ARHGAP42: variants seen among roughly 807,000 people sequenced by gnomAD.
ARHGAP42 encodes Rho GTPase activating protein 42, also known as rho GTPase-activating protein 42.
In ARHGAP42, 63 loss-of-function variants were observed where a neutral mutation model predicts 125.0. The observed-to-expected ratio is 0.50, with a 90% CI of 0.41 to 0.62. The LOEUF (loss-of-function observed/expected upper bound fraction) is 0.62, where lower values mean the gene tolerates loss of function less well. Ranked by LOEUF, ARHGAP42 falls within the 20% of genes least tolerant of loss-of-function variation. The probability of loss-of-function intolerance (pLI) is 0.00; values close to 1 mark genes in which losing one functional copy is unlikely to be tolerated. For missense variants in ARHGAP42, 766 were observed against 1,024.2 expected, an observed-to-expected ratio of 0.75 and a Z score of 3.44; for synonymous variants, 339 against 351.0, an observed-to-expected ratio of 0.97 and a Z score of 0.38.
At chr11:100,859,226 TA>T (rs1223738882) in intron 3 of ARHGAP42, 5 of 197,934 alleles carry the variant, frequency 2.5e-5, no homozygotes, top group Non-Finnish European at 5.1e-5. Flanking sequence ...TAAACCAGTG[TA>T]ATTATAGGTA....
At chr11:100,901,814 T>C (rs1250144186) in intron 4 of ARHGAP42, among the ~76,000 whole-genome samples, 1 of 152,174 alleles carries the variant, frequency 6.6e-6, no homozygotes, top group Non-Finnish European at 1.5e-5. Context: ...CCAGGTACAG[T>C]CTGTCACAGC....
chr11:100,937,782 A>G lies in ARHGAP42; in HGVS notation c.832+1450A>G, dbSNP rs867977776. Among the ~76,000 whole-genome samples the G allele has an allele frequency of 1.1e-4, 16 of 152,350 alleles. No homozygotes were observed. In the Middle Eastern group the frequency reaches 0.01, roughly 97 times the overall value. On this transcript the variant is annotated intron_variant, in intron 8 of 23. Transcript: ENST00000298815. ...ATTAGCTTGCAATATTATTTTGTAC[A>G]TAATCTTCAAATATATCATATTCGG...
In ARHGAP42 at chr11:100,959,962, T is replaced by C. The variant is rs563460; in HGVS notation, c.1225+17T>C. 0.82 allele frequency: 1,268,807 copies of C among 1,547,392 alleles called. 520,975 individuals carry two copies. Among genetic ancestry groups the C allele is most frequent in the African/African-American group, 0.89 (64,946 of 73,030 alleles). On this transcript the variant is annotated intron_variant, in intron 13 of 23. Coordinates refer to ENST00000298815, the MANE Select transcript of ARHGAP42 (RefSeq NM_152432.4). ...AAACAAGAGGTCAGTGTTGCCTGAT[T>C]GGTACAGCATCCCTGTCATGTGTCT...
At chr11:100,868,157 T>C (rs1865616660) in intron 4 of ARHGAP42, among the ~76,000 whole-genome samples, 1 of 152,138 alleles carries the variant, frequency 6.6e-6, no homozygotes, top group Admixed American at 6.5e-5. Flanking sequence ...AAAGTGAGCA[T>C]TGTTTAAAAA....
At chr11:100,822,592 T>C (rs981013952) in intron 3 of ARHGAP42, among the ~76,000 whole-genome samples, 2 of 152,186 alleles carry the variant, frequency 1.3e-5, no homozygotes, top group African/African-American at 4.8e-5. Flanking sequence ...GATTGAATTA[T>C]TTCTACACTG....
In ARHGAP42 at chr11:100,979,051, T is replaced by C; in HGVS notation, c.2456+2T>C. On this transcript the variant is annotated splice_donor_variant, in intron 22 of 23. Transcript: ENST00000298815. LOFTEE classifies it high-confidence loss of function. ...ACCTAAACCAGTTTCTTCTGGGCGG[T>C]AAGTTCTCCAAACCCTTAAATGCAT... The C allele has an allele frequency of 6.4e-7, 1 of 1,551,556 alleles. No individual in the cohort carries two copies. The highest frequency in any genetic ancestry group is 1.2e-5 in the South Asian group (1 of 84,052).
intron 1 of ARHGAP42, among the ~76,000 whole-genome samples, chr11:100,715,560 A>T (rs1317460262): frequency 1.3e-5 from 2 of 152,110 alleles, no homozygotes; most frequent in African/African-American, 2.4e-5. Flanking sequence ...ACTTGATGTG[A>T]CAGTGTTCTG....
At chr11:100,814,221 G>C (rs1864211799) in intron 3 of ARHGAP42, among the ~76,000 whole-genome samples, 1 of 151,754 alleles carries the variant, frequency 6.6e-6, no homozygotes, top group African/African-American at 2.4e-5. Flanking sequence ...GCTGGGTATG[G>C]TGGCGTGCAC....
chr11:100,730,975 C>T (rs1861947421), intron 1 of ARHGAP42, among the ~76,000 whole-genome samples: 1 of 151,972 alleles, frequency 6.6e-6, no homozygotes, highest in South Asian at 2.1e-4. Context: ...CTATATGCAG[C>T]CTATTGTTGA....
chr11:100,892,070 G>A (rs542390632), intron 4 of ARHGAP42, among the ~76,000 whole-genome samples: 109 of 152,238 alleles, frequency 7.2e-4, no homozygotes, highest in Non-Finnish European at 1.5e-3. Context: ...GAGATGAGAC[G>A]AAAAAGACAT....
Position 100,976,280 on chromosome 11 carries a change from C to G in ARHGAP42, c.2079C>G (p.Thr693=). 6.4e-7 allele frequency: 1 copy of G among 1,551,678 alleles called. No homozygotes were observed. Among genetic ancestry groups the G allele is most frequent in the Non-Finnish European group, 8.7e-7 (1 of 1,146,910 alleles). Residue 693 remains threonine, a synonymous_variant, in exon 20 of 24, where the codon ACC becomes ACG. Coordinates refer to ENST00000298815, the MANE Select transcript of ARHGAP42 (RefSeq NM_152432.4). ...AATCAAGTTCCAGAGAAGATGCAACCAAGACAGATGCAGAATCAGACTGCC... is the reference window on the plus strand; with the variant it reads ...AATCAAGTTCCAGAGAAGATGCAACGAAGACAGATGCAGAATCAGACTGCC... The part of the protein sequence containing the change: ...SPESSSREDA[T]KTDAESDCQS...
chr11:100,941,413 G>A (rs967899045), intron 8 of ARHGAP42, among the ~76,000 whole-genome samples: 3 of 152,176 alleles, frequency 2.0e-5, no homozygotes, highest in Non-Finnish European at 4.4e-5. Flanking sequence ...TGACAGTTAT[G>A]AGAGTAAAGT....
At position 100,875,919 on chromosome 11, in the gene ARHGAP42, T is replaced by C. The variant is rs1591260032; in HGVS notation, c.384+16294T>C. On this transcript the variant is annotated intron_variant, in intron 4 of 23. Coordinates refer to ENST00000298815, the MANE Select transcript of ARHGAP42 (RefSeq NM_152432.4). ...GAATATAGTGTCTCTTACCTGTTTA[T>C]GTGTTCTCTGTGGTTGTTATCTTGT... 5.3e-5 allele frequency among the ~76,000 whole-genome samples: 8 copies of C among 152,228 alleles called. No individual in the cohort carries two copies. The South Asian group carries it at 1.7e-3, about 32-fold the overall frequency.
chr11:100,874,447 C>G (rs1369974823), intron 4 of ARHGAP42, among the ~76,000 whole-genome samples: 1 of 152,194 alleles, frequency 6.6e-6, no homozygotes, highest in Non-Finnish European at 1.5e-5. Context: ...GCCAGACATT[C>G]AAGGCTTGGA....
At chr11:100,942,738 TG>T (rs1470664666) in intron 9 of ARHGAP42, among the ~76,000 whole-genome samples, 1 of 152,112 alleles carries the variant, frequency 6.6e-6, no homozygotes, top group Non-Finnish European at 1.5e-5. Flanking sequence ...TTATTGTACT[TG>T]GGCATTCATC....
chr11:100,799,662 T>A (rs996741226), intron 3 of ARHGAP42, among the ~76,000 whole-genome samples: 1 of 152,168 alleles, frequency 6.6e-6, no homozygotes, highest in Non-Finnish European at 1.5e-5. Flanking sequence ...GTGATTCAGA[T>A]CTTGTGTAAA....
chr11:100,943,530 T>C (rs1279589313), intron 9 of ARHGAP42, among the ~76,000 whole-genome samples: 1 of 152,148 alleles, frequency 6.6e-6, no homozygotes, highest in Non-Finnish European at 1.5e-5. Context: ...TGGACAGGCA[T>C]GTTACATAAT....
At chr11:100,924,622 G>A (rs1035402123) in intron 6 of ARHGAP42, among the ~76,000 whole-genome samples, 8 of 151,742 alleles carry the variant, frequency 5.3e-5, no homozygotes, top group East Asian at 1.9e-4. Context: ...ATCCGAAATC[G>A]CGCCGCTGGA....
At chr11:100,934,499 T>G (rs528153861) in intron 7 of ARHGAP42, among the ~76,000 whole-genome samples, 1 of 152,346 alleles carries the variant, frequency 6.6e-6, no homozygotes, top group South Asian at 2.1e-4. Context: ...AATGAATCCT[T>G]TTAGTCTCTG....
Sources: gnomAD v4.1 joint callset for allele counts (sites outside exome capture counted in the v4.1 genomes callset) on GRCh38, gnomAD v4.1.1 for gene constraint, MANE v1.5 for transcripts, NCBI Gene and HGNC (gene_info 2026-07-23, HGNC 2026-07-21) for gene names.